The following MID1 variants were observed in gnomAD, a reference collection of about 807,000 sequenced individuals.
MID1 encodes midline 1.
In MID1, 7 loss-of-function variants were observed where a neutral mutation model predicts 40.4. The observed-to-expected ratio is 0.17, with a 90% confidence interval of 0.10 to 0.33. The LOEUF is 0.33. Among genes scored for constraint, MID1 ranks in the 10% least tolerant of loss-of-function variants. The pLI, the probability that MID1 is intolerant of heterozygous loss-of-function variation, is 1.00. For missense variants in MID1, 367 were observed against 558.5 expected, an observed-to-expected ratio of 0.66 and a Z score of 3.46; for synonymous variants, 229 against 221.2, an observed-to-expected ratio of 1.04 and a Z score of -0.31.
chrX:10,685,899 C>CACAT (rs1650913212), intron 1 of MID1, among the ~76,000 whole-genome samples: 1 of 108,779 alleles, frequency 9.2e-6, no homozygotes, highest in Non-Finnish European at 1.9e-5. Flanking sequence ...CACACACACA[C>CACAT]ACACACACAC....
At chrX:10,659,206 G>A (rs935519885) in intron 1 of MID1, among the ~76,000 whole-genome samples, 1 of 111,932 alleles carries the variant, frequency 8.9e-6, no homozygotes, top group East Asian at 2.8e-4. Context: ...ATTGCTTGGC[G>A]ACCCCTGGGG....
At chrX:10,758,483 CTTTTTTTTTTTTTTT>C (rs1157401550) in intron 1 of MID1, among the ~76,000 whole-genome samples, 1 of 63,873 alleles carries the variant, frequency 1.6e-5, no homozygotes, top group Admixed American at 2.2e-4. Flanking sequence ...CTTTTCTTTC[CTTTTTTTTTTTTTTT>C]TTTTTTTTTT....
chrX:10,825,533 T>A (rs775906336), intron 1 of MID1, among the ~76,000 whole-genome samples: 1 of 112,273 alleles, frequency 8.9e-6, no homozygotes, highest in East Asian at 2.8e-4. Flanking sequence ...AGTGTGCTCA[T>A]CTGTTAGTGC....
At position 10,758,642 on chromosome X, in the gene MID1, C is replaced by T. The variant is rs1484159766; in HGVS notation, c.-187+74912G>A. Reference sequence around the variant, plus strand: ...AGTAGCTGGGACTACAGTTGCCCGCCACCACGCCCAGCTAATTTTTTTGTA... The same window carrying T: ...AGTAGCTGGGACTACAGTTGCCCGCTACCACGCCCAGCTAATTTTTTTGTA... On this transcript the variant is annotated intron_variant, in intron 1 of 10. Coordinates refer to the MID1 transcript ENST00000380785. Among the ~76,000 whole-genome samples, 4 of 108,965 alleles carry T rather than the reference C, an allele frequency of 3.7e-5. No homozygotes were observed. The East Asian group carries it at 8.7e-4, about 24-fold the overall frequency. 94.6% of individuals were successfully genotyped at this position (108,965 alleles called of 115,157 possible).
intron 1 of MID1, among the ~76,000 whole-genome samples, chrX:10,681,497 C>T (rs1411663941): frequency 1.8e-5 from 2 of 112,243 alleles, no homozygotes; most frequent in Non-Finnish European, 3.8e-5. Context: ...CATATATATA[C>T]AGTTTCTCCA....
chrX:10,538,258 C>A (rs759176074), intron 2 of MID1, among the ~76,000 whole-genome samples: 1 of 111,811 alleles, frequency 8.9e-6, no homozygotes, highest in African/African-American at 3.3e-5. Flanking sequence ...CAGGCATGAG[C>A]CACCATGCCC....
chrX:10,595,193 C>T (rs1033615011), intron 1 of MID1, among the ~76,000 whole-genome samples: 5 of 111,776 alleles, frequency 4.5e-5, no homozygotes, highest in African/African-American at 1.6e-4. Flanking sequence ...GTTTTTCTGA[C>T]TCTTAAAGAT....
At chrX:10,498,173 G>A (rs1163149138) in intron 3 of MID1, among the ~76,000 whole-genome samples, 2 of 111,981 alleles carry the variant, frequency 1.8e-5, no homozygotes, top group Non-Finnish European at 3.8e-5. Context: ...GTGCCATAAC[G>A]GCTCACTGCA....
intron 1 of MID1, among the ~76,000 whole-genome samples, chrX:10,782,998 T>C (rs2043857167): frequency 8.9e-6 from 1 of 112,088 alleles, no homozygotes; most frequent in African/African-American, 3.2e-5. Context: ...TGAGATACAC[T>C]GATCAACAAT....
At chrX:10,739,893 T>G (rs990566511) in intron 1 of MID1, among the ~76,000 whole-genome samples, 4 of 112,279 alleles carry the variant, frequency 3.6e-5, no homozygotes, top group African/African-American at 1.3e-4. Context: ...ATTTTAGAAC[T>G]CAGAAAAGAA....
chrX:10,752,914 G>A (rs1002464853), intron 1 of MID1, among the ~76,000 whole-genome samples: 1 of 112,131 alleles, frequency 8.9e-6, no homozygotes. Flanking sequence ...ATCCCCTTCC[G>A]TCTAGTCTCT....
intron 1 of MID1, among the ~76,000 whole-genome samples, chrX:10,660,610 A>G (rs1336466627): frequency 4.4e-5 from 5 of 112,500 alleles, no homozygotes; most frequent in Non-Finnish European, 9.4e-5. Flanking sequence ...GGATATTTCT[A>G]TAGACATTTT....
At chrX:10,494,771 C>CAA (rs58092232) in intron 4 of MID1, among the ~76,000 whole-genome samples, 14 of 31,651 alleles carry the variant, frequency 4.4e-4, no homozygotes, top group South Asian at 2.1e-3. Flanking sequence ...AAGACTGTCT[C>CAA]AAAAAAAAAA....
At chrX:10,592,951 T>C (rs1195483553) in intron 1 of MID1, among the ~76,000 whole-genome samples, 7 of 112,386 alleles carry the variant, frequency 6.2e-5, no homozygotes, top group African/African-American at 1.9e-4. Context: ...GAGATCATCA[T>C]TAAAAAGACC....
At chrX:10,661,445 T>C (rs1234569357) in intron 1 of MID1, among the ~76,000 whole-genome samples, 1 of 109,285 alleles carries the variant, frequency 9.2e-6, no homozygotes, top group Non-Finnish European at 1.9e-5. Context: ...CCCGAGTAGC[T>C]GGGACTACAG....
Position 10,477,602 on chromosome X carries a change from A to G in MID1, c.1014-2852T>C, listed in dbSNP as rs375092932. 3.6e-5 allele frequency among the ~76,000 whole-genome samples: 4 copies of G among 112,435 alleles called. No individual in the cohort carries two copies. The East Asian group carries it at 1.1e-3, about 31-fold the overall frequency. On this transcript the variant is annotated intron_variant, in intron 5 of 9. Transcript: ENST00000317552. ...TTTATTTCCCAAATCCTTATTGCCC[A>G]TCTTCTGGCCTTTTGGATAAGTTGC...
intron 2 of MID1, among the ~76,000 whole-genome samples, chrX:10,562,527 T>C (rs1434947026): frequency 9.5e-6 from 1 of 105,779 alleles, no homozygotes; most frequent in Non-Finnish European, 1.9e-5. Flanking sequence ...TCTTAAAGCA[T>C]ACTGCATCCA....
At chrX:10,596,485 A>G in intron 1 of MID1, among the ~76,000 whole-genome samples, 1 of 112,346 alleles carries the variant, frequency 8.9e-6, no homozygotes, top group Middle Eastern at 4.6e-3. Context: ...CAGTTCCAAG[A>G]ACATGTGATT....
At chrX:10,485,488 C>T (rs1187846002) in intron 4 of MID1, among the ~76,000 whole-genome samples, 1 of 111,800 alleles carries the variant, frequency 8.9e-6, no homozygotes, top group Non-Finnish European at 1.9e-5. Context: ...AAATATTTTC[C>T]AGTCAACTCT....
Sources: gnomAD v4.1 joint callset for allele counts (sites outside exome capture counted in the v4.1 genomes callset) on GRCh38, gnomAD v4.1.1 for gene constraint, MANE v1.5 for transcripts, NCBI Gene and HGNC (gene_info 2026-07-23, HGNC 2026-07-21) for gene names.